Variants in CSGALNACT1 observed in about 807,000 individuals in gnomAD.
CSGALNACT1 encodes the protein chondroitin sulfate N-acetylgalactosaminyltransferase 1.
Under a neutral mutation model 51.0 loss-of-function variants are expected in CSGALNACT1, and 52 were observed. That is an observed-to-expected ratio of 1.02 (90% CI 0.82 to 1.29). The LOEUF is 1.29. Among genes scored for constraint, CSGALNACT1 ranks in the 50% most tolerant of loss-of-function variants. The pLI is 0.00. For synonymous variants in CSGALNACT1, 341 were observed against 254.4 expected (o/e 1.34, Z -3.24); for missense variants, 935 against 679.2 (o/e 1.38, Z -4.19).
At chr8:19,529,842 A>G (rs1298278968) in intron 3 of CSGALNACT1, among the ~76,000 whole-genome samples, 3 of 152,224 alleles carry the variant, frequency 2.0e-5, no homozygotes, top group Non-Finnish European at 2.9e-5. Context: ...TATTTATAAT[A>G]ACCTAACACA....
intron 3 of CSGALNACT1, among the ~76,000 whole-genome samples, chr8:19,528,870 C>T (rs1206699256): frequency 6.6e-6 from 1 of 152,116 alleles, no homozygotes; most frequent in African/African-American, 2.4e-5. Context: ...ACCCCAAACG[C>T]TAAGGCTAGG....
intron 6 of CSGALNACT1, among the ~76,000 whole-genome samples, chr8:19,421,399 C>T (rs901456506): frequency 2.0e-5 from 3 of 152,246 alleles, no homozygotes; most frequent in South Asian, 2.1e-4. Context: ...TAACGTTCCA[C>T]GAATTCATTC....
intron 1 of CSGALNACT1, among the ~76,000 whole-genome samples, chr8:19,666,937 GAGAGAAAAAGAA>G (rs2059311660): frequency 3.9e-5 from 5 of 127,834 alleles, no homozygotes; most frequent in African/African-American, 1.5e-4. Flanking sequence ...GACAGAGAGA[GAGAGAAAAAGAA>G]AGAAAGAAAG....
intron 6 of CSGALNACT1, among the ~76,000 whole-genome samples, chr8:19,434,545 T>C (rs1225330006): frequency 6.6e-6 from 1 of 152,152 alleles, no homozygotes; most frequent in Admixed American, 6.5e-5. Context: ...ACTCAGGAAA[T>C]TAACATTTTT....
intron 3 of CSGALNACT1, among the ~76,000 whole-genome samples, chr8:19,550,186 G>A (rs890052398): frequency 6.6e-6 from 1 of 151,982 alleles, no homozygotes. Flanking sequence ...GAGTCTTGTT[G>A]TGTTGCCCAG....
chr8:19,756,797 A>T (rs2065414247), intron 1 of CSGALNACT1, among the ~76,000 whole-genome samples: 1 of 152,232 alleles, frequency 6.6e-6, no homozygotes, highest in Admixed American at 6.5e-5. Context: ...GGCACGTGGA[A>T]AGGCTACTTT....
chr8:19,658,901 C>T (rs541068724), intron 1 of CSGALNACT1, among the ~76,000 whole-genome samples: 18 of 152,266 alleles, frequency 1.2e-4, no homozygotes, highest in African/African-American at 4.3e-4. Flanking sequence ...GTAAATCTTT[C>T]TAAGTTAAAT....
intron 3 of CSGALNACT1, among the ~76,000 whole-genome samples, chr8:19,581,965 G>C (rs894136937): frequency 1.3e-5 from 2 of 152,212 alleles, no homozygotes; most frequent in African/African-American, 4.8e-5. Flanking sequence ...AAATAATTCA[G>C]ATGTAAAGGT....
chr8:19,697,351 A>T (rs2061636223), intron 1 of CSGALNACT1, among the ~76,000 whole-genome samples: 1 of 152,124 alleles, frequency 6.6e-6, no homozygotes, highest in Admixed American at 6.5e-5. Flanking sequence ...ATCCAGGTCT[A>T]TGGCTTTGGC....
At chr8:19,659,533 G>A (rs1289820335) in intron 1 of CSGALNACT1, among the ~76,000 whole-genome samples, 1 of 152,150 alleles carries the variant, frequency 6.6e-6, no homozygotes, top group East Asian at 1.9e-4. Context: ...ATCCCCCAGA[G>A]TTTCTGTCTC....
chr8:19,682,502 G>A (rs1215369822), exon 1 of CSGALNACT1: 1 of 379,740 alleles, frequency 2.6e-6, no homozygotes, highest in African/African-American at 2.1e-5. Flanking sequence ...GATGACACCT[G>A]TTGTCACCCC....
intron 4 of CSGALNACT1, among the ~76,000 whole-genome samples, chr8:19,501,325 C>A (rs925916869): frequency 1.3e-5 from 2 of 151,992 alleles, no homozygotes; most frequent in Non-Finnish European, 2.9e-5. Context: ...GGGCCTTAAT[C>A]CCTTATATAT....
At position 19,404,739 on chromosome 8, in the gene CSGALNACT1, G is replaced by T. The variant is rs1382156637; in HGVS notation, c.*1041C>A. The T allele has an allele frequency of 3.3e-5, 15 of 454,334 alleles. No homozygotes were observed. In the Admixed American group the frequency reaches 3.5e-4, roughly 11 times the overall value. The allele number at this position is 454,334 out of a possible 1,614,324, so 28.1% of individuals were successfully genotyped here. ...GTTTATTTAAACAGGTAAGAAAGCG[G>T]TCCCTACTTCTGAGGAGAAAATGTG... is the stretch of plus-strand genomic sequence containing the variant. On this transcript the variant is annotated 3_prime_UTR_variant, in exon 10 of 10. Coordinates refer to ENST00000454498, the Ensembl canonical transcript of CSGALNACT1.
intron 1 of CSGALNACT1, among the ~76,000 whole-genome samples, chr8:19,734,277 C>G (rs1318308753): frequency 2.0e-5 from 3 of 152,224 alleles, no homozygotes; most frequent in Non-Finnish European, 4.4e-5. Context: ...AATCCTTACA[C>G]AGCAAACTGC....
At chr8:19,555,855 T>C in intron 3 of CSGALNACT1, among the ~76,000 whole-genome samples, 1 of 152,146 alleles carries the variant, frequency 6.6e-6, no homozygotes, top group East Asian at 1.9e-4. Context: ...TGCAACTCCG[T>C]GGAAACACCC....
At chr8:19,448,717 C>A (rs538326605) in intron 5 of CSGALNACT1, among the ~76,000 whole-genome samples, 1 of 152,246 alleles carries the variant, frequency 6.6e-6, no homozygotes, top group South Asian at 2.1e-4. Context: ...GAGAAAGACA[C>A]AGATGCAAGG....
chr8:19,564,768 T>A (rs2041556920), intron 3 of CSGALNACT1, among the ~76,000 whole-genome samples: 1 of 152,174 alleles, frequency 6.6e-6, no homozygotes, highest in Non-Finnish European at 1.5e-5. Context: ...TGCATAGCAC[T>A]TTTTCTGTAG....
chr8:19,684,594 G>A (rs920113983), upstream of CSGALNACT1, among the ~76,000 whole-genome samples: 6 of 152,024 alleles, frequency 3.9e-5, no homozygotes, highest in African/African-American at 1.4e-4. Flanking sequence ...GGGACCCAGG[G>A]ATTGCTCCCT....
upstream of CSGALNACT1, among the ~76,000 whole-genome samples, chr8:19,685,373 G>C (rs918614606): frequency 2.0e-5 from 3 of 152,298 alleles, no homozygotes; most frequent in Non-Finnish European, 4.4e-5. Context: ...GGTGTCATGT[G>C]CCTGTGGTCC....
Sources: gnomAD v4.1 joint callset for allele counts (sites outside exome capture counted in the v4.1 genomes callset) on GRCh38, gnomAD v4.1.1 for gene constraint, MANE v1.5 for transcripts, NCBI Gene and HGNC (gene_info 2026-07-23, HGNC 2026-07-21) for gene names.